Variants in KANSL1 observed in about 807,000 individuals in gnomAD.
The protein encoded by KANSL1 is KAT8 regulatory NSL complex subunit 1.
KANSL1 carries 22 observed loss-of-function variants against 103.6 expected under a neutral mutation model. The ratio of observed to expected loss-of-function variants is 0.21; its 90% CI spans 0.15 to 0.30. KANSL1 has a LOEUF of 0.30. KANSL1 is among the 10% of genes least tolerant of loss of function. KANSL1 has a pLI of 1.00. For missense variants in KANSL1, 1,337 were observed against 1,399.8 expected (o/e 0.96, Z 0.72); for synonymous variants, 600 against 527.6 (o/e 1.14, Z -1.88).
At chr17:46,176,187 C>T (rs1010812629) in intron 1 of KANSL1, among the ~76,000 whole-genome samples, 5 of 152,306 alleles carry the variant, frequency 3.3e-5, no homozygotes, top group Admixed American at 3.3e-4. Context: ...GAAACAGCTT[C>T]CCTCTGAGGA....
intron 2 of KANSL1, among the ~76,000 whole-genome samples, chr17:46,130,660 A>C (rs2043822521): frequency 6.6e-6 from 1 of 152,228 alleles, no homozygotes; most frequent in African/African-American, 2.4e-5. Flanking sequence ...CTAGAGAGTC[A>C]GTTCAAGACG....
At chr17:46,145,094 T>G (rs2696587) in intron 2 of KANSL1, among the ~76,000 whole-genome samples, 21,950 of 152,236 alleles carry the variant, frequency 0.14, 2,137 homozygotes, top group Non-Finnish European at 0.22. Context: ...CAAGTACTAC[T>G]TAAGTTCTAT....
chr17:46,030,406 T>A lies in KANSL1; in HGVS notation c.*1070A>T, dbSNP rs910672963. 1 of 151,996 alleles carries A rather than the reference T, an allele frequency of 6.6e-6. No individual in the cohort carries two copies. Among genetic ancestry groups the A allele is most frequent in the African/African-American group, 2.4e-5 (1 of 41,366 alleles). The allele number at this position is 151,996 out of a possible 1,614,324, so 9.4% of individuals were successfully genotyped here. A position where few individuals can be genotyped will look rare whatever the true frequency, so the allele number is the denominator to read the frequency against. ...AGAGTCTTCTCCCCCCTCCCCCTTT[T>A]TGGTGATGTGATCATACAGGAGACA... On this transcript the variant is annotated 3_prime_UTR_variant, in exon 15 of 15. Transcript: ENST00000432791.
Position 46,177,056 on chromosome 17 carries a change from ATAAG to A in KANSL1, c.-89-4828_-89-4825del, listed in dbSNP as rs575332434. On this transcript the variant is annotated intron_variant, in intron 1 of 14. Transcript: ENST00000432791. ...TTCAACATTACTCCCAAAGATATTC[ATAAG>A]TAAGAGGAGCACTGACTCAAGTGAG... Among the ~76,000 whole-genome samples the A allele has an allele frequency of 5.6e-4, 86 of 152,344 alleles. 2 individuals carry two copies. In the Middle Eastern group the frequency reaches 0.014, roughly 24 times the overall value.
chr17:46,073,176 T>TCTTG (rs2146722145), intron 4 of KANSL1, among the ~76,000 whole-genome samples: 1 of 152,336 alleles, frequency 6.6e-6, no homozygotes, highest in Non-Finnish European at 1.5e-5. Context: ...TGAAGATGTA[T>TCTTG]CTTGGACTGT....
chr17:46,133,784 T>A (rs1390105789), intron 2 of KANSL1, among the ~76,000 whole-genome samples: 1 of 152,204 alleles, frequency 6.6e-6, no homozygotes, highest in Admixed American at 6.5e-5. Flanking sequence ...AGAAATGATA[T>A]GATACATTTT....
At chr17:46,115,788 C>T (rs900704887) in intron 2 of KANSL1, among the ~76,000 whole-genome samples, 54 of 152,320 alleles carry the variant, frequency 3.5e-4, no homozygotes, top group African/African-American at 1.2e-3. Context: ...ATACCCAGAC[C>T]GCTTTTAACA....
intron 1 of KANSL1, among the ~76,000 whole-genome samples, chr17:46,211,795 A>G (rs1265130896): frequency 1.3e-5 from 2 of 152,282 alleles, no homozygotes; most frequent in African/African-American, 2.4e-5. Context: ...TATAACAGAT[A>G]AAAGAAACTT....
intron 2 of KANSL1, among the ~76,000 whole-genome samples, chr17:46,117,351 T>A (rs545787795): frequency 6.6e-6 from 1 of 152,236 alleles, no homozygotes; most frequent in Admixed American, 6.5e-5. Flanking sequence ...GAAGAAACTA[T>A]CTCACAAATT....
intron 2 of KANSL1, among the ~76,000 whole-genome samples, chr17:46,146,639 C>T (rs966438083): frequency 1.7e-4 from 20 of 114,718 alleles, no homozygotes; most frequent in Non-Finnish European, 4.4e-4. Context: ...CGAGACCATC[C>T]CAGCTAAAAC....
intron 3 of KANSL1, among the ~76,000 whole-genome samples, chr17:46,085,261 A>G (rs904140268): frequency 6.6e-6 from 1 of 152,130 alleles, no homozygotes; most frequent in African/African-American, 2.4e-5. Context: ...ATTTATACTC[A>G]TTTTTATATT....
rs138575373 is a variant in KANSL1, at chr17:46,105,576, T to C, written c.1290-10875A>G. On this transcript the variant is annotated intron_variant, in intron 2 of 14. Coordinates refer to ENST00000432791, the MANE Select transcript of KANSL1 (RefSeq NM_015443.4). ...CGCTGCAGTGAGTGAGATCACGCCATTGCACTCCAGACCAGGTGACAAGAG... is the reference window on the plus strand; with the variant it reads ...CGCTGCAGTGAGTGAGATCACGCCACTGCACTCCAGACCAGGTGACAAGAG... Among the ~76,000 whole-genome samples, 751 of 151,862 alleles carry C rather than the reference T, an allele frequency of 4.9e-3. 7 individuals carry two copies. Among genetic ancestry groups the C allele is most frequent in the African/African-American group, 0.017 (713 of 41,416 alleles).
chr17:46,141,923 TG>T (rs1278524266), intron 2 of KANSL1, among the ~76,000 whole-genome samples: 1 of 152,232 alleles, frequency 6.6e-6, no homozygotes, highest in Admixed American at 6.5e-5. Context: ...AGTCTCACTC[TG>T]CGTGCCCAGG....
At chr17:46,191,131 T>C (rs2047298738) in intron 1 of KANSL1, among the ~76,000 whole-genome samples, 2 of 152,202 alleles carry the variant, frequency 1.3e-5, no homozygotes, top group African/African-American at 4.8e-5. Flanking sequence ...TCGTATTTTA[T>C]AAAATAGGAG....
At chr17:46,181,612 A>G (rs1439666770) in intron 1 of KANSL1, among the ~76,000 whole-genome samples, 2 of 152,156 alleles carry the variant, frequency 1.3e-5, no homozygotes, top group Non-Finnish European at 2.9e-5. Context: ...TTGTAATTTT[A>G]GTAGAGATGG....
rs545495500 is a variant in KANSL1, at chr17:46,088,951, T to C, written c.1431+5609A>G. Among the ~76,000 whole-genome samples, 71 of 152,258 alleles carry C rather than the reference T, an allele frequency of 4.7e-4. 1 individual carries two copies. The East Asian group carries it at 8.3e-3, about 18-fold the overall frequency. On this transcript the variant is annotated intron_variant, in intron 3 of 14. Transcript: ENST00000432791. ...ACCAGGTGTGAAATTTCAACAAACA[T>C]GTTTCAGTGAAATGATGAAAAGGAC...
intron 6 of KANSL1, among the ~76,000 whole-genome samples, chr17:46,059,031 A>G (rs1164388563): frequency 1.3e-5 from 2 of 150,000 alleles, no homozygotes; most frequent in East Asian, 3.9e-4. Context: ...TGGGCAACAG[A>G]GCGAGACTCC....
In KANSL1 at chr17:46,039,213, G is replaced by C. The variant is rs1568374912; in HGVS notation, c.2206C>G (p.Leu736Val). The change falls in exon 9 of 15, where the codon CTG (leucine) becomes GTG (valine). Residue 736 changes from leucine to valine, a missense_variant and splice_region_variant. Physicochemically the swap from Leu to Val is conservative, Grantham distance 32. Around this residue, in one of 2 missense-constraint regions of KANSL1, gnomAD observed 780 missense variants for 923.4 expected, o/e 0.84. Coordinates refer to ENST00000432791, the MANE Select transcript of KANSL1 (RefSeq NM_015443.4). ...TCAGGCCGGGTTTGGTGATGGGACA[G>C]CTCTGAAGAGGGGAACAGAAAAAGA... ...LVSSFLTTAK[L>V]SHHQTRPDRT... is the part of the protein sequence containing the mutation. The C allele has an allele frequency of 6.4e-7, 1 of 1,563,332 alleles. No homozygotes were observed. The highest frequency in any genetic ancestry group is 8.6e-7 in the Non-Finnish European group (1 of 1,160,532).
In KANSL1 at chr17:46,066,572, C is replaced by T; in HGVS notation, c.1813G>A (p.Val605Ile). The change falls in exon 6 of 15, where the codon GTT (valine) becomes ATT (isoleucine). Residue 605 changes from valine to isoleucine, a missense_variant. This residue lies in a region of KANSL1 where 780 missense variants were observed against 923.4 expected (regional missense o/e 0.84). Coordinates refer to ENST00000432791, the MANE Select transcript of KANSL1 (RefSeq NM_015443.4). Reference sequence around the variant, plus strand: ...AGAGGAACGATGCTGTTGGGTCGAACAAGCCTCCGCTTCTTACAGCTCAGT... The same window carrying T: ...AGAGGAACGATGCTGTTGGGTCGAATAAGCCTCCGCTTCTTACAGCTCAGT... ...PVLSCKKRRL[V>I]RPNSIVPLSK... 1 of 1,613,666 alleles carries T rather than the reference C, an allele frequency of 6.2e-7. No homozygotes were observed. The highest frequency in any genetic ancestry group is 8.5e-7 in the Non-Finnish European group (1 of 1,179,744).
Sources: gnomAD v4.1 joint callset for allele counts (sites outside exome capture counted in the v4.1 genomes callset) on GRCh38, gnomAD v4.1.1 for gene constraint, gnomAD v4.1.1 regional missense constraint, MANE v1.5 for transcripts, NCBI Gene and HGNC (gene_info 2026-07-23, HGNC 2026-07-21) for gene names.